Variants in TSHZ2 observed in about 807,000 individuals in gnomAD.
TSHZ2 encodes teashirt homolog 2.
TSHZ2 carries 21 observed loss-of-function variants against 74.4 expected under a neutral mutation model. The observed-to-expected ratio is 0.28, with a 90% CI of 0.20 to 0.41. The LOEUF (loss-of-function observed/expected upper bound fraction) is 0.41, where lower values mean the gene tolerates loss of function less well. Among genes scored for constraint, TSHZ2 ranks in the 10% least tolerant of loss-of-function variants. TSHZ2 has a pLI of 1.00. For synonymous variants in TSHZ2, 540 were observed against 515.3 expected (o/e 1.05, Z -0.65); for missense variants, 1,244 against 1,293.5 (o/e 0.96, Z 0.59).
Position 53,130,445 on chromosome 20 carries a change from C to A in TSHZ2, c.41-123054C>A, listed in dbSNP as rs117771206. On this transcript the variant is annotated intron_variant, in intron 1 of 2. Transcript: ENST00000371497. Reference sequence around the variant, plus strand: ...TTCAAGACAAGCCTGGCCAATGCAGCGAAACCCCATCTCTACTAAAAATAC... The same window carrying A: ...TTCAAGACAAGCCTGGCCAATGCAGAGAAACCCCATCTCTACTAAAAATAC... Among the ~76,000 whole-genome samples, 157 of 151,918 alleles carry A rather than the reference C, an allele frequency of 1.0e-3. 3 individuals carry two copies. The highest frequency in any genetic ancestry group is 5.6e-3 in the Admixed American group (86 of 15,264).
intron 1 of TSHZ2, among the ~76,000 whole-genome samples, chr20:52,996,252 A>G (rs1982182468): frequency 6.6e-6 from 1 of 152,084 alleles, no homozygotes; most frequent in Non-Finnish European, 1.5e-5. Flanking sequence ...AGTCTAGATC[A>G]CTGTAGCATC....
intron 2 of TSHZ2, among the ~76,000 whole-genome samples, chr20:53,326,579 G>A (rs1488061796): frequency 6.6e-6 from 1 of 152,104 alleles, no homozygotes; most frequent in African/African-American, 2.4e-5. Context: ...AAGCCCCCCC[G>A]GCAACCACCT....
chr20:53,116,976 T>C (rs1365560241), intron 1 of TSHZ2, among the ~76,000 whole-genome samples: 1 of 152,032 alleles, frequency 6.6e-6, no homozygotes, highest in Non-Finnish European at 1.5e-5. Context: ...CTCCTCCTGA[T>C]TTCTTCATGG....
intron 2 of TSHZ2, among the ~76,000 whole-genome samples, chr20:53,375,665 TCTC>T (rs1235640709): frequency 6.6e-6 from 1 of 152,040 alleles, no homozygotes; most frequent in Non-Finnish European, 1.5e-5. Context: ...CTATGGGTGT[TCTC>T]CTTCCCTGTA....
chr20:53,010,797 C>A (rs28405801), intron 1 of TSHZ2, among the ~76,000 whole-genome samples: 7,353 of 152,106 alleles, frequency 0.048, 412 homozygotes, highest in African/African-American at 0.14. Context: ...GAAAAGCTGA[C>A]GATTTTCCCC....
intron 1 of TSHZ2, among the ~76,000 whole-genome samples, chr20:53,068,150 C>G (rs1272935196): frequency 2.0e-5 from 3 of 152,194 alleles, no homozygotes; most frequent in African/African-American, 4.8e-5. Flanking sequence ...CTGATTACAC[C>G]TGCAAAGACC....
At chr20:53,435,528 T>C (rs1260586852) in intron 2 of TSHZ2, among the ~76,000 whole-genome samples, 1 of 152,242 alleles carries the variant, frequency 6.6e-6, no homozygotes, top group Non-Finnish European at 1.5e-5. Context: ...AATTTATTTA[T>C]TTTGAGACAG....
chr20:53,162,337 G>T (rs766402530), intron 1 of TSHZ2, among the ~76,000 whole-genome samples: 1 of 152,144 alleles, frequency 6.6e-6, no homozygotes, highest in Admixed American at 6.5e-5. Context: ...CAATGTTTTG[G>T]GTTCGGCCAT....
intron 1 of TSHZ2, among the ~76,000 whole-genome samples, chr20:52,987,292 T>C (rs1473074095): frequency 6.6e-6 from 1 of 152,210 alleles, no homozygotes; most frequent in Non-Finnish European, 1.5e-5. Flanking sequence ...AATTTGCAGA[T>C]TCCAGACCTA....
At chr20:53,294,581 T>A (rs758789221) in intron 2 of TSHZ2, among the ~76,000 whole-genome samples, 1 of 151,636 alleles carries the variant, frequency 6.6e-6, no homozygotes, top group African/African-American at 2.4e-5. Context: ...CATAAGTTTT[T>A]AGTTCTTCTG....
chr20:53,070,933 C>T (rs1365809847), intron 1 of TSHZ2, among the ~76,000 whole-genome samples: 1 of 152,166 alleles, frequency 6.6e-6, no homozygotes, highest in African/African-American at 2.4e-5. Flanking sequence ...TAGTCTGACA[C>T]ATTTTTGAAC....
chr20:53,050,113 A>ATGTG (rs1984382620), intron 1 of TSHZ2, among the ~76,000 whole-genome samples: 13 of 97,976 alleles, frequency 1.3e-4, no homozygotes, highest in African/African-American at 8.7e-4. Context: ...GTATATATAT[A>ATGTG]TATATATATA....
intron 2 of TSHZ2, among the ~76,000 whole-genome samples, chr20:53,304,144 T>C (rs1157147693): frequency 1.3e-5 from 2 of 150,548 alleles, no homozygotes; most frequent in Non-Finnish European, 3.0e-5. Context: ...ACCCATTAAC[T>C]CGTCACTTAG....
At chr20:53,419,866 C>T (rs569442032) in intron 2 of TSHZ2, among the ~76,000 whole-genome samples, 104 of 152,326 alleles carry the variant, frequency 6.8e-4, no homozygotes, top group African/African-American at 2.1e-3. Flanking sequence ...TGTACAGTGT[C>T]CCAGGGCCTG....
At chr20:53,396,696 A>C (rs1982460236) in intron 2 of TSHZ2, among the ~76,000 whole-genome samples, 1 of 152,010 alleles carries the variant, frequency 6.6e-6, no homozygotes, top group African/African-American at 2.4e-5. Flanking sequence ...AAAATACAAA[A>C]ATCAGCCAGG....
At chr20:53,261,987 A>G (rs1048374055) in intron 2 of TSHZ2, among the ~76,000 whole-genome samples, 1 of 152,212 alleles carries the variant, frequency 6.6e-6, no homozygotes, top group South Asian at 2.1e-4. Flanking sequence ...GGAGGGACAC[A>G]CAATCGCCAG....
intron 2 of TSHZ2, among the ~76,000 whole-genome samples, chr20:53,419,396 TTAA>T (rs922493188): frequency 1.3e-5 from 2 of 152,148 alleles, no homozygotes; most frequent in Admixed American, 1.3e-4. Context: ...AAGGTATGTG[TTAA>T]TAATAATAAT....
intron 1 of TSHZ2, among the ~76,000 whole-genome samples, chr20:53,182,209 C>CTTG: frequency 1.6e-5 from 2 of 123,302 alleles, no homozygotes; most frequent in Non-Finnish European, 3.5e-5. Flanking sequence ...TTCTCTTCCT[C>CTTG]ACTCCCTCCT....
chr20:53,243,901 A>G (rs1257306026), intron 1 of TSHZ2, among the ~76,000 whole-genome samples: 2 of 152,026 alleles, frequency 1.3e-5, no homozygotes, highest in Non-Finnish European at 2.9e-5. Flanking sequence ...AGCAAGTTAA[A>G]ATTTGTCCAT....
Sources: gnomAD v4.1 joint callset for allele counts (sites outside exome capture counted in the v4.1 genomes callset) on GRCh38, gnomAD v4.1.1 for gene constraint, MANE v1.5 for transcripts, NCBI Gene and HGNC (gene_info 2026-07-23, HGNC 2026-07-21) for gene names.